The following ZNF212 variants were observed in gnomAD, a reference collection of about 807,000 sequenced individuals.
ZNF212 encodes the protein zinc finger protein 212, also known as Zinc finger protein C2H2-150.
In ZNF212, 32 loss-of-function variants were observed where a neutral mutation model predicts 47.3. The ratio of observed to expected loss-of-function variants is 0.68; its 90% CI spans 0.51 to 0.91. ZNF212 has a LOEUF of 0.91. Ranked by LOEUF, ZNF212 falls within the 40% of genes least tolerant of loss-of-function variation. The probability of loss-of-function intolerance (pLI) is 0.00; values close to 1 mark genes in which losing one functional copy is unlikely to be tolerated. For synonymous variants in ZNF212, 242 were observed against 253.8 expected, an observed-to-expected ratio of 0.95 and a Z score of 0.44; for missense variants, 555 against 622.8, an observed-to-expected ratio of 0.89 and a Z score of 1.16.
chr7:149,253,291 T>C (rs1013426818), intron 4 of ZNF212, among the ~76,000 whole-genome samples: 4 of 152,228 alleles, frequency 2.6e-5, no homozygotes, highest in African/African-American at 9.6e-5. Context: ...GGATTAAATA[T>C]AAATTTGTAG....
Position 149,254,161 on chromosome 7 carries a change from G to C in ZNF212, c.1234G>C (p.Val412Leu). 1 of 1,614,248 alleles carries C rather than the reference G, an allele frequency of 6.2e-7. No individual in the cohort carries two copies. Among genetic ancestry groups the C allele is most frequent in the South Asian group, 1.1e-5 (1 of 91,082 alleles). Residue 412 changes from valine to leucine, a missense_variant, in exon 5 of 5, where the codon GTT becomes CTT. Coordinates refer to ENST00000335870, the MANE Select transcript of ZNF212 (RefSeq NM_012256.4). This position sits in a 1 kb window ranked among gnomAD's most constrained non-coding sequence, Gnocchi z 4.5. ...AGAGAGGTTCTCACCCAACAGCCTG[G>C]TTGCCCTGCCTGGCCACATCCCTTG... ...VQERFSPNSLVALPGHIPWRK... is the reference protein window; with the variant it reads ...VQERFSPNSLLALPGHIPWRK...
At position 149,253,868 on chromosome 7, in the gene ZNF212, G is replaced by A. The variant is rs777893602; in HGVS notation, c.941G>A (p.Arg314His). The A allele has an allele frequency of 2.0e-5, 32 of 1,613,856 alleles. 1 individual carries two copies. The Admixed American group carries it at 3.2e-4, about 16-fold the overall frequency. ...QGLKLKKDTS[R>H]PYECSECEIT... Reference sequence around the variant, plus strand: ...CTGAAGCTGAAAAAGGACACTTCCCGCCCCTACGAATGTTCTGAGTGTGAG... The same window carrying A: ...CTGAAGCTGAAAAAGGACACTTCCCACCCCTACGAATGTTCTGAGTGTGAG... The change falls in exon 5 of 5, where the codon CGC becomes CAC. Residue 314 changes from arginine (R) to histidine (H), a missense_variant. Transcript: ENST00000335870.
chr7:149,253,813 G>C lies in ZNF212; in HGVS notation c.886G>C (p.Val296Leu), dbSNP rs1299943791. ...CCCGAAGCAGAAATCTCATAGGCAG[G>C]TACAGCTGGACCAGGAATGTGGGCA... is the stretch of plus-strand genomic sequence containing the variant. The part of the protein sequence containing the change: ...GCPKQKSHRQ[V>L]QLDQECGQGL... Residue 296 changes from valine (V) to leucine (L), a missense_variant, in exon 5 of 5, where the codon GTA becomes CTA. Coordinates refer to ENST00000335870, the MANE Select transcript of ZNF212 (RefSeq NM_012256.4). 5 of 1,614,056 alleles carry C rather than the reference G, an allele frequency of 3.1e-6. No individual in the cohort carries two copies. The highest frequency in any genetic ancestry group is 3.4e-6 in the Non-Finnish European group (4 of 1,179,942).
chr7:149,248,242 CTG>C (rs142998456), intron 1 of ZNF212, among the ~76,000 whole-genome samples: 4 of 151,858 alleles, frequency 2.6e-5, no homozygotes, highest in South Asian at 2.1e-4. Context: ...CATCTTCTCC[CTG>C]TGTGTGTGTG....
intron 3 of ZNF212, among the ~76,000 whole-genome samples, chr7:149,251,489 A>ATT (rs1796756966): frequency 1.2e-5 from 1 of 83,388 alleles, no homozygotes; most frequent in South Asian, 4.0e-4. Context: ...GGCCTGTTTT[A>ATT]TCTTTTTTTT....
intron 1 of ZNF212, among the ~76,000 whole-genome samples, chr7:149,240,465 A>G (rs1197393622): frequency 6.7e-6 from 1 of 150,312 alleles, no homozygotes; most frequent in Non-Finnish European, 1.5e-5. Context: ...TGTGAGGAAA[A>G]TCCTATTTGT....
At position 149,253,575 on chromosome 7, in the gene ZNF212, C is replaced by A; in HGVS notation, c.648C>A (p.Ile216=). The change falls in exon 5 of 5, where the codon ATC becomes ATA. Residue 216 remains isoleucine, a synonymous_variant. Coordinates refer to ENST00000335870, the MANE Select transcript of ZNF212 (RefSeq NM_012256.4). ...ACTTTGCAGCAGGTGGGGTCATGAT[C>A]AAACAGGAGCTACAGTATACACAGG... ...GGAHPAGGVM[I]KQELQYTQEG... The A allele has an allele frequency of 6.2e-7, 1 of 1,601,466 alleles. No individual in the cohort carries two copies. Among genetic ancestry groups the A allele is most frequent in the South Asian group, 1.1e-5 (1 of 90,666 alleles).
intron 1 of ZNF212, among the ~76,000 whole-genome samples, chr7:149,244,941 A>G (rs2129524224): frequency 6.6e-6 from 1 of 152,332 alleles, no homozygotes; most frequent in South Asian, 2.1e-4. Context: ...TTCACATGCA[A>G]AGTAGATGAT....
rs1261078032 is a variant in ZNF212 at position 149,250,441 on chromosome 7, G to A, written c.307G>A (p.Glu103Lys). ...GGCCGTGCTGGGGACCCTGCTGCAG[G>A]AGTATGGGCTACTGCAGAGGCGGCT... ...KWAVLGTLLQ[E>K]YGLLQRRLEN... Residue 103 changes from glutamate to lysine, a missense_variant, in exon 2 of 5, where the codon GAG becomes AAG. Transcript: ENST00000335870. The A allele has an allele frequency of 1.2e-6, 2 of 1,614,060 alleles. No individual in the cohort carries two copies. The highest frequency in any genetic ancestry group is 1.7e-6 in the Non-Finnish European group (2 of 1,180,046).
chr7:149,253,595 C>T lies in ZNF212; in HGVS notation c.668C>T (p.Thr223Ile). Residue 223 changes from threonine to isoleucine, a missense_variant, in exon 5 of 5, where the codon ACA becomes ATA. Transcript: ENST00000335870. ...ATGATCAAACAGGAGCTACAGTATACACAGGAAGGCCCTGCGGATCTTCCT... is the reference window on the plus strand; with the variant it reads ...ATGATCAAACAGGAGCTACAGTATATACAGGAAGGCCCTGCGGATCTTCCT... ...GVMIKQELQY[T>I]QEGPADLPGE... The T allele has an allele frequency of 6.2e-7, 1 of 1,613,386 alleles. No homozygotes were observed. Among genetic ancestry groups the T allele is most frequent in the Non-Finnish European group, 8.5e-7 (1 of 1,179,430 alleles).
chr7:149,249,031 G>A (rs1181345734), intron 1 of ZNF212, among the ~76,000 whole-genome samples: 1 of 152,132 alleles, frequency 6.6e-6, no homozygotes, highest in Non-Finnish European at 1.5e-5. Context: ...TAAAGTGTGT[G>A]CTTTATTCAA....
intron 1 of ZNF212, among the ~76,000 whole-genome samples, chr7:149,242,038 T>A (rs1796599606): frequency 1.5e-5 from 2 of 132,948 alleles, no homozygotes; most frequent in Non-Finnish European, 3.2e-5. Flanking sequence ...TTTTTTTTTT[T>A]TTGAGAGAGT....
chr7:149,244,870 C>T (rs898889954), intron 1 of ZNF212, among the ~76,000 whole-genome samples: 4 of 152,142 alleles, frequency 2.6e-5, no homozygotes, highest in South Asian at 2.1e-4. Context: ...TGATTTGCCC[C>T]ACTTGACAGA....
intron 1 of ZNF212, among the ~76,000 whole-genome samples, chr7:149,246,721 C>G (rs114177958): frequency 0.048 from 7,264 of 151,244 alleles, 262 homozygotes; most frequent in Non-Finnish European, 0.073. Context: ...ATCCCTAGCC[C>G]TTGGCAACCA....
At chr7:149,243,282 T>C (rs1796622097) in intron 1 of ZNF212, among the ~76,000 whole-genome samples, 1 of 151,572 alleles carries the variant, frequency 6.6e-6, no homozygotes, top group East Asian at 1.9e-4. Flanking sequence ...AGTCCCAGCT[T>C]CTTGGGAGGC....
At chr7:149,241,475 G>A (rs1796587367) in intron 1 of ZNF212, among the ~76,000 whole-genome samples, 1 of 148,254 alleles carries the variant, frequency 6.7e-6, no homozygotes, top group Admixed American at 6.7e-5. Context: ...CCCAAACTAT[G>A]CCTTAAATAA....
intron 3 of ZNF212, among the ~76,000 whole-genome samples, chr7:149,251,842 C>T (rs1796764656): frequency 6.8e-6 from 1 of 147,636 alleles, no homozygotes; most frequent in Non-Finnish European, 1.5e-5. Flanking sequence ...TGGTAGCTCA[C>T]ATCTGTAATC....
Position 149,250,163 on chromosome 7 carries a change from G to A in ZNF212, c.29G>A (p.Arg10Lys), listed in dbSNP as rs370716460. The A allele has an allele frequency of 1.5e-5, 23 of 1,525,426 alleles. No individual in the cohort carries two copies. The African/African-American group carries it at 2.8e-4, about 18-fold the overall frequency. 94.5% of individuals were successfully genotyped at this position (1,525,426 alleles called of 1,614,324 possible). Residue 10 changes from arginine (R) to lysine (K), a missense_variant, in exon 2 of 5, where the codon AGG becomes AAG. Coordinates refer to ENST00000335870, the MANE Select transcript of ZNF212 (RefSeq NM_012256.4). ...CCTGTGTCTTTAATCCATCAGCACA[G>A]GAGAAAACGACGCTCCACACCTTTA... MAESAPARH[R>K]RKRRSTPLTS...
intron 3 of ZNF212, among the ~76,000 whole-genome samples, 179 bp from the exon 4 acceptor site, chr7:149,252,527 T>G (rs1240638408): frequency 1.3e-5 from 2 of 152,208 alleles, no homozygotes; most frequent in African/African-American, 2.4e-5. Context: ...CCAAGTCAGT[T>G]GTTATGATTG....
Sources: allele counts gnomAD v4.1 joint callset (sites outside exome capture counted in the v4.1 genomes callset), GRCh38; gene constraint gnomAD v4.1.1; non-coding constraint Gnocchi (gnomAD v3.1); transcripts MANE v1.5; gene names NCBI Gene and HGNC (gene_info 2026-07-23, HGNC 2026-07-21).